The following POLA1 variants were observed in gnomAD, a reference collection of about 807,000 sequenced individuals.
POLA1 encodes the protein DNA polymerase alpha catalytic subunit.
POLA1 carries 15 observed loss-of-function variants against 124.0 expected under a neutral mutation model. The observed-to-expected ratio is 0.12, with a 90% CI of 0.08 to 0.19. The LOEUF is 0.19. Ranked by LOEUF, POLA1 falls within the 10% of genes least tolerant of loss-of-function variation. The pLI is 1.00. For missense variants in POLA1, 886 were observed against 1,103.4 expected (o/e 0.80, Z 2.79); for synonymous variants, 408 against 389.4 (o/e 1.05, Z -0.56).
At chrX:24,749,483 G>C (rs1327020195) in intron 26 of POLA1, among the ~76,000 whole-genome samples, 1 of 112,115 alleles carries the variant, frequency 8.9e-6, no homozygotes, top group African/African-American at 3.2e-5. Context: ...GGTTTAGATT[G>C]GTCAGGGAAG....
chrX:24,808,353 A>G (rs1464694620), intron 26 of POLA1, among the ~76,000 whole-genome samples: 1 of 111,937 alleles, frequency 8.9e-6, no homozygotes, highest in Non-Finnish European at 1.9e-5. Context: ...TCCTACAGGA[A>G]TTCTCCTTAC....
At chrX:24,774,119 G>A (rs773316791) in intron 26 of POLA1, among the ~76,000 whole-genome samples, 13 of 111,432 alleles carry the variant, frequency 1.2e-4, no homozygotes, top group Admixed American at 2.9e-4. Flanking sequence ...ATTTTGAGTG[G>A]CATATGTAGG....
intron 15 of POLA1, among the ~76,000 whole-genome samples, chrX:24,729,358 G>A (rs1374842372): frequency 5.4e-5 from 6 of 111,545 alleles, no homozygotes; most frequent in Non-Finnish European, 1.1e-4. Context: ...CCGGGTCAGG[G>A]GATGTGTATG....
intron 32 of POLA1, among the ~76,000 whole-genome samples, chrX:24,834,729 A>G (rs1331656355): frequency 8.9e-6 from 1 of 111,752 alleles, no homozygotes; most frequent in Non-Finnish European, 1.9e-5. Flanking sequence ...GTGAGCCGAG[A>G]TTGCGCCAGT....
At chrX:24,808,430 T>G (rs759703709) in intron 26 of POLA1, among the ~76,000 whole-genome samples, 5 of 112,524 alleles carry the variant, frequency 4.4e-5, no homozygotes, top group African/African-American at 6.5e-5. Flanking sequence ...AGAATGGAAT[T>G]GCCATGATTA....
At chrX:24,803,930 TAAAAAA>T (rs34721601) in intron 26 of POLA1, among the ~76,000 whole-genome samples, 6 of 13,843 alleles carry the variant, frequency 4.3e-4, no homozygotes, top group Admixed American at 4.2e-3. Flanking sequence ...ACCCTAGACT[TAAAAAA>T]AAAAAAAAAA....
intron 34 of POLA1, among the ~76,000 whole-genome samples, chrX:24,878,234 C>T (rs964566278): frequency 7.2e-5 from 8 of 111,455 alleles, no homozygotes; most frequent in Non-Finnish European, 1.3e-4. Context: ...TTAAGATGTC[C>T]TTTGAGGCAG....
intron 36 of POLA1, among the ~76,000 whole-genome samples, chrX:24,959,645 G>A (rs1351465937): frequency 9.0e-6 from 1 of 111,117 alleles, no homozygotes; most frequent in Non-Finnish European, 1.9e-5. Flanking sequence ...GTAGCCACTA[G>A]CCACGTGTGC....
rs1349126601 is a variant in POLA1 at position 24,943,606 on chromosome X, G to A, written c.4261+13057G>A. Among the ~76,000 whole-genome samples the A allele has an allele frequency of 5.3e-5, 6 of 112,450 alleles. No individual in the cohort carries two copies. The Admixed American group carries it at 5.6e-4, about 11-fold the overall frequency. On this transcript the variant is annotated intron_variant, in intron 36 of 36. Transcript: ENST00000379068. ...GTCTTGGGAAATTATTCAACAGAGT[G>A]CACTCTGGTCTCTGTTAGTGAAGGC...
intron 4 of POLA1, among the ~76,000 whole-genome samples, chrX:24,708,372 CT>C (rs397799733): frequency 0.061 from 4,903 of 79,960 alleles, 285 homozygotes; most frequent in African/African-American, 0.18. Context: ...CATGAAAATA[CT>C]TTTTTTTTTT....
At chrX:24,834,436 T>C (rs768548682) in intron 32 of POLA1, among the ~76,000 whole-genome samples, 1 of 112,231 alleles carries the variant, frequency 8.9e-6, no homozygotes, top group Non-Finnish European at 1.9e-5. Flanking sequence ...CTGACACTTA[T>C]ACAGTAAATT....
chrX:24,785,965 T>C (rs1321803975), intron 26 of POLA1, among the ~76,000 whole-genome samples: 3 of 112,844 alleles, frequency 2.7e-5, no homozygotes, highest in African/African-American at 9.7e-5. Flanking sequence ...CATTTGTTTT[T>C]CTGTGGCTGG....
chrX:24,792,665 A>G (rs2045523936), intron 26 of POLA1, among the ~76,000 whole-genome samples: 1 of 112,197 alleles, frequency 8.9e-6, no homozygotes, highest in African/African-American at 3.2e-5. Flanking sequence ...TCAAGAAATT[A>G]TTTTTCAGAT....
chrX:24,799,145 C>G (rs1452517091), intron 26 of POLA1, among the ~76,000 whole-genome samples: 2 of 112,406 alleles, frequency 1.8e-5, no homozygotes, highest in Non-Finnish European at 3.8e-5. Context: ...CGTCTCACTT[C>G]ATTTGAAGAA....
intron 34 of POLA1, among the ~76,000 whole-genome samples, chrX:24,856,519 G>A (rs1012165393): frequency 1.8e-5 from 2 of 111,898 alleles, no homozygotes; most frequent in South Asian, 7.5e-4. Context: ...TCCAGGGGTA[G>A]GGTTGCTGGC....
In POLA1 at chrX:24,710,525, A is replaced by G. The variant is rs761620002; in HGVS notation, c.347-4029A>G. On this transcript the variant is annotated intron_variant, in intron 4 of 36. Transcript: ENST00000379068. ...CTACGTTTTGTTTATTCATTAGTTG[A>G]TGGACATTTGGATTGTTTCTACCTT... 4.5e-5 allele frequency among the ~76,000 whole-genome samples: 5 copies of G among 111,699 alleles called. No homozygotes were observed. The South Asian group carries it at 1.9e-3, about 42-fold the overall frequency.
At chrX:24,896,485 G>GT (rs11374392) in intron 35 of POLA1, among the ~76,000 whole-genome samples, 6,911 of 110,801 alleles carry the variant, frequency 0.062, 533 homozygotes, top group African/African-American at 0.22. Context: ...GTTTTGTTTT[G>GT]TTTTTTTGCG....
chrX:24,901,503 G>A (rs2047277835), intron 35 of POLA1, among the ~76,000 whole-genome samples: 1 of 111,762 alleles, frequency 8.9e-6, no homozygotes, highest in African/African-American at 3.3e-5. Context: ...ACACTGTGAA[G>A]AGCCATGTAA....
chrX:24,791,443 A>G (rs1468203425), intron 26 of POLA1, among the ~76,000 whole-genome samples: 7 of 112,449 alleles, frequency 6.2e-5, no homozygotes, highest in African/African-American at 9.7e-5. Context: ...CTGGAGTGCA[A>G]TGGCACGATC....
Sources: gnomAD v4.1 joint callset for allele counts (sites outside exome capture counted in the v4.1 genomes callset) on GRCh38, gnomAD v4.1.1 for gene constraint, MANE v1.5 for transcripts, NCBI Gene and HGNC (gene_info 2026-07-23, HGNC 2026-07-21) for gene names.